Variants in BFSP1 observed in about 807,000 individuals in gnomAD.
BFSP1 encodes the protein beaded filament structural protein 1, also known as filensin.
A neutral mutation model predicts 43.9 loss-of-function variants in BFSP1; 38 were observed. The ratio of observed to expected loss-of-function variants is 0.87; its 90% CI spans 0.67 to 1.14. BFSP1 has a LOEUF of 1.14. Among genes scored for constraint, BFSP1 ranks in the 50% most tolerant of loss-of-function variants. BFSP1 has a pLI of 0.00. For synonymous variants in BFSP1, 352 were observed against 354.8 expected, an observed-to-expected ratio of 0.99 and a Z score of 0.09; for missense variants, 850 against 875.1, an observed-to-expected ratio of 0.97 and a Z score of 0.36.
At chr20:17,497,708 T>C (rs778206480) in intron 6 of BFSP1, among the ~76,000 whole-genome samples, 13 of 151,404 alleles carry the variant, frequency 8.6e-5, no homozygotes, top group Non-Finnish European at 1.9e-4. Flanking sequence ...ACACATCATA[T>C]ATAAATAGAG....
chr20:17,567,567 A>C (rs1307275925), intron 1 of BFSP1, among the ~76,000 whole-genome samples: 1 of 152,172 alleles, frequency 6.6e-6, no homozygotes, highest in Non-Finnish European at 1.5e-5. Flanking sequence ...CTTTATTAAG[A>C]TTTGAGAGGT....
Position 17,531,158 on chromosome 20 carries a change from C to A in BFSP1, c.172G>T (p.Ala58Ser). 7.7e-7 allele frequency: 1 copy of A among 1,302,648 alleles called. No homozygotes were observed. The highest frequency in any genetic ancestry group is 9.7e-7 in the Non-Finnish European group (1 of 1,028,408). 80.7% of individuals were successfully genotyped at this position (1,302,648 alleles called of 1,614,324 possible). A position where few individuals can be genotyped will look rare whatever the true frequency, so the allele number is the denominator to read the frequency against. The change falls in exon 1 of 8, where the codon GCC becomes TCC. Residue 58 changes from alanine to serine, a missense_variant. By Grantham distance (99) the Ala-to-Ser change is moderately conservative. Coordinates refer to ENST00000377873, the MANE Select transcript of BFSP1 (RefSeq NM_001195.5). ...GERVAAHVQR[A>S]RALEQRHAGL... Reference sequence around the variant, plus strand: ...GCATGGCGCTGCTCGAGGGCGCGGGCCCGCTGGACGTGGGCGGCCACGCGC... The same window carrying A: ...GCATGGCGCTGCTCGAGGGCGCGGGACCGCTGGACGTGGGCGGCCACGCGC...
intron 1 of BFSP1, among the ~76,000 whole-genome samples, chr20:17,527,478 A>G (rs911263460): frequency 6.6e-6 from 1 of 152,240 alleles, no homozygotes; most frequent in Non-Finnish European, 1.5e-5. Context: ...CTGTAATCCC[A>G]GCACTTTAGG....
Position 17,494,490 on chromosome 20 carries a change from G to A in BFSP1, c.1582C>T (p.Leu528=). Reference sequence around the variant, plus strand: ...GGTTGTCCATCTTCTTTCTCCTGCAGACCCACCTGCCCATTCTCTAAAGGG... The same window carrying A: ...GGTTGTCCATCTTCTTTCTCCTGCAAACCCACCTGCCCATTCTCTAAAGGG... ...KPPLENGQVG[L]QEKEDGQPID... The change falls in exon 8 of 8, where the codon CTG becomes TTG. Residue 528 remains leucine (L), a synonymous_variant. Coordinates refer to ENST00000377873, the MANE Select transcript of BFSP1 (RefSeq NM_001195.5). The A allele has an allele frequency of 6.8e-6, 11 of 1,614,182 alleles. No homozygotes were observed. The highest frequency in any genetic ancestry group is 9.3e-6 in the Non-Finnish European group (11 of 1,180,034).
Position 17,497,220 on chromosome 20 carries a change from C to T in BFSP1, c.957-197G>A, listed in dbSNP as rs6136120. 0.14 allele frequency among the ~76,000 whole-genome samples: 21,385 copies of T among 152,018 alleles called. 1,477 individuals carry two copies. Among genetic ancestry groups the T allele is most frequent in the East Asian group, 0.17 (889 of 5,152 alleles). ...TAAAGGAAGTGATCATTTCTTTGAG[C>T]TCAAGAGTCATAAACTGTGAAACAT... On this transcript the variant is annotated intron_variant, in intron 6 of 7. Transcript: ENST00000377873.
chr20:17,494,898 T>C lies in BFSP1; in HGVS notation c.1174A>G (p.Lys392Glu), dbSNP rs143916769. Residue 392 changes from lysine (K) to glutamate (E), a missense_variant, in exon 8 of 8, where the codon AAA becomes GAA. Physicochemically the swap from Lys to Glu is moderately conservative, Grantham distance 56 (BLOSUM62 1). Coordinates refer to ENST00000377873, the MANE Select transcript of BFSP1 (RefSeq NM_001195.5). Reference sequence around the variant, plus strand: ...ACCAGCTTTGTGTCTTCCAAACCTTTTAATGGTGCATCTTCCAGAGCTCCG... The same window carrying C: ...ACCAGCTTTGTGTCTTCCAAACCTTCTAATGGTGCATCTTCCAGAGCTCCG... The part of the protein sequence containing the change: ...TNGALEDAPL[K>E]GLEDTKLVQV... The C allele has an allele frequency of 6.2e-6, 10 of 1,614,110 alleles. No individual in the cohort carries two copies. The African/African-American group carries it at 1.1e-4, about 17-fold the overall frequency.
rs371321930 is a variant in BFSP1, at chr20:17,512,089, T to G, written c.535-21A>C. On this transcript the variant is annotated intron_variant, in intron 3 of 7. Coordinates refer to ENST00000377873, the MANE Select transcript of BFSP1 (RefSeq NM_001195.5). ...AGATTCTGTTGGGGGAGGGAAAACATTCTCATTATAAGTTGAGCTGCGCTG... is the reference window on the plus strand; with the variant it reads ...AGATTCTGTTGGGGGAGGGAAAACAGTCTCATTATAAGTTGAGCTGCGCTG... The G allele has an allele frequency of 2.0e-5, 31 of 1,564,998 alleles. No individual in the cohort carries two copies. In the African/African-American group the frequency reaches 3.8e-4, roughly 19 times the overall value.
At chr20:17,547,376 G>A (rs2034821055) in intron 1 of BFSP1, among the ~76,000 whole-genome samples, 1 of 151,928 alleles carries the variant, frequency 6.6e-6, no homozygotes, top group Non-Finnish European at 1.5e-5. Flanking sequence ...CTAATTTTGA[G>A]GGCACTGAAA....
chr20:17,566,117 C>CAAA (rs34133165), intron 1 of BFSP1, among the ~76,000 whole-genome samples: 6 of 88,354 alleles, frequency 6.8e-5, no homozygotes, highest in African/African-American at 2.1e-4. Context: ...GACTCCGTCT[C>CAAA]AAAAAAAAAA....
exon 1 of BFSP1, chr20:17,558,859 G>T: frequency 1.1e-6 from 1 of 936,332 alleles, no homozygotes; most frequent in Non-Finnish European, 1.5e-6. Flanking sequence ...GGTTTGCAGA[G>T]AGGAAGTGAC....
At chr20:17,562,387 C>A (rs376569309), upstream of BFSP1, among the ~76,000 whole-genome samples, 1 of 151,714 alleles carries the variant, frequency 6.6e-6, no homozygotes, top group East Asian at 2.0e-4. Context: ...CTTAGCCAGG[C>A]GTGGTGGCAC....
rs1385705870 is a variant in BFSP1 at position 17,525,458 on chromosome 20, T to C, written c.378-550A>G. 6.6e-6 allele frequency among the ~76,000 whole-genome samples: 1 copy of C among 152,202 alleles called. No homozygotes were observed. The highest frequency in any genetic ancestry group is 2.4e-5 in the African/African-American group (1 of 41,442). On this transcript the variant is annotated intron_variant, in intron 1 of 7. Transcript: ENST00000377873. The surrounding 1 kb of genome is among the most constrained non-coding windows in gnomAD (Gnocchi z 4.2). Reference sequence around the variant, plus strand: ...AACTCAGGCAGATGCTCCGCACACTTTTCCCTCCTCCCAGCAGCATCACTC... The same window carrying C: ...AACTCAGGCAGATGCTCCGCACACTCTTCCCTCCTCCCAGCAGCATCACTC...
upstream of BFSP1, among the ~76,000 whole-genome samples, chr20:17,534,098 G>A (rs1441589986): frequency 6.6e-6 from 1 of 152,228 alleles, no homozygotes; most frequent in Non-Finnish European, 1.5e-5. Flanking sequence ...CCATATCACT[G>A]ATAGGAGACC....
At chr20:17,568,018 G>A (rs2035142489) in intron 1 of BFSP1, among the ~76,000 whole-genome samples, 1 of 151,950 alleles carries the variant, frequency 6.6e-6, no homozygotes, top group African/African-American at 2.4e-5. Context: ...CTTCAGATGC[G>A]AAGGGTGATA....
chr20:17,511,948 G>C (rs1291546372), intron 4 of BFSP1, 28 bp downstream of exon 4: 1 of 1,554,884 alleles, frequency 6.4e-7, no homozygotes, highest in Non-Finnish European at 8.9e-7. Context: ...TCCAGGGCTG[G>C]TTTGCCTTTT....
At chr20:17,504,131 T>C (rs988123095) in intron 5 of BFSP1, among the ~76,000 whole-genome samples, 3 of 152,148 alleles carry the variant, frequency 2.0e-5, no homozygotes, top group African/African-American at 7.2e-5. Flanking sequence ...GCTGGAACAC[T>C]GCGGGAGGAG....
upstream of BFSP1, among the ~76,000 whole-genome samples, chr20:17,535,361 T>A (rs111848633): frequency 1.3e-5 from 2 of 152,184 alleles, no homozygotes; most frequent in African/African-American, 4.8e-5. Context: ...AAACCCCATC[T>A]GTACTAAAAA....
chr20:17,502,738 G>C (rs2033833461), intron 5 of BFSP1, among the ~76,000 whole-genome samples: 1 of 152,160 alleles, frequency 6.6e-6, no homozygotes, highest in African/African-American at 2.4e-5. Flanking sequence ...GTGTGATCCA[G>C]TTTCTGTTTC....
At chr20:17,558,367 G>A (rs1353097558) in intron 1 of BFSP1, among the ~76,000 whole-genome samples, 14 of 152,120 alleles carry the variant, frequency 9.2e-5, no homozygotes, top group Non-Finnish European at 1.5e-4. Context: ...AACTTTGGCC[G>A]TTCAAGAAGG....
Sources: gnomAD v4.1 joint callset for allele counts (sites outside exome capture counted in the v4.1 genomes callset) on GRCh38, gnomAD v4.1.1 for gene constraint, Gnocchi (gnomAD v3.1) non-coding constraint, MANE v1.5 for transcripts, NCBI Gene and HGNC (gene_info 2026-07-23, HGNC 2026-07-21) for gene names.